Variants in SHTN1 observed in about 807,000 individuals in gnomAD.
SHTN1 encodes shootin 1.
SHTN1 carries 42 observed loss-of-function variants against 83.1 expected under a neutral mutation model. That is an observed-to-expected ratio of 0.51 (90% CI 0.39 to 0.65). The LOEUF is 0.65. Among genes scored for constraint, SHTN1 ranks in the 30% least tolerant of loss-of-function variants. The pLI, the probability that SHTN1 is intolerant of heterozygous loss-of-function variation, is 0.00. For missense variants in SHTN1, 622 were observed against 737.8 expected, an observed-to-expected ratio of 0.84 and a Z score of 1.82; for synonymous variants, 224 against 247.7, an observed-to-expected ratio of 0.90 and a Z score of 0.90.
chr10:116,889,403 G>T (rs1438637773), intron 16 of SHTN1, among the ~76,000 whole-genome samples: 1 of 152,202 alleles, frequency 6.6e-6, no homozygotes, highest in East Asian at 1.9e-4. Flanking sequence ...GCTACAATTT[G>T]AGAACCCCTT....
At chr10:117,115,298 C>T (rs917265175) in intron 1 of SHTN1, among the ~76,000 whole-genome samples, 3 of 152,044 alleles carry the variant, frequency 2.0e-5, no homozygotes, top group African/African-American at 7.2e-5. Flanking sequence ...AGAAAAATAA[C>T]ACCTGCCTTG....
intron 1 of SHTN1, among the ~76,000 whole-genome samples, chr10:117,118,765 TG>T (rs1294020644): frequency 6.6e-6 from 1 of 152,068 alleles, no homozygotes; most frequent in African/African-American, 2.4e-5. Flanking sequence ...CAACACACAC[TG>T]GGGCCTGTTG....
intron 1 of SHTN1, among the ~76,000 whole-genome samples, chr10:117,115,135 C>G (rs1853827881): frequency 6.6e-6 from 1 of 152,170 alleles, no homozygotes; most frequent in Non-Finnish European, 1.5e-5. Context: ...CAAAATTGTG[C>G]CTATAATTTC....
intron 2 of SHTN1, among the ~76,000 whole-genome samples, chr10:117,037,065 C>T (rs1852508418): frequency 6.6e-6 from 1 of 152,104 alleles, no homozygotes; most frequent in Non-Finnish European, 1.5e-5. Flanking sequence ...AGCAAGGTTG[C>T]AGGATACAAG....
upstream of SHTN1, among the ~76,000 whole-genome samples, chr10:117,007,177 T>C (rs2133552425): frequency 6.6e-6 from 1 of 151,830 alleles, no homozygotes; most frequent in Admixed American, 6.6e-5. Context: ...ATCCGGGAGA[T>C]TTTAATGAAA....
At chr10:116,943,975 C>A (rs1849479511) in intron 8 of SHTN1, among the ~76,000 whole-genome samples, 2 of 152,216 alleles carry the variant, frequency 1.3e-5, no homozygotes, top group Admixed American at 6.5e-5. Context: ...AACAGGTAAG[C>A]CGGAACAAGA....
intron 1 of SHTN1, among the ~76,000 whole-genome samples, chr10:116,992,552 T>C (rs1851476757): frequency 6.6e-6 from 1 of 152,182 alleles, no homozygotes; most frequent in African/African-American, 2.4e-5. Context: ...AGGCCTCTAG[T>C]AGGCAAATAA....
At chr10:117,091,781 C>T (rs1853433920) in intron 1 of SHTN1, among the ~76,000 whole-genome samples, 1 of 152,178 alleles carries the variant, frequency 6.6e-6, no homozygotes, top group African/African-American at 2.4e-5. Flanking sequence ...CCATCAAGAC[C>T]GAAGGCAAGT....
intron 2 of SHTN1, among the ~76,000 whole-genome samples, chr10:117,026,315 G>A (rs1852331945): frequency 2.0e-5 from 3 of 152,128 alleles, no homozygotes; most frequent in Admixed American, 1.3e-4. Flanking sequence ...AGTGGTCACG[G>A]GATGAGGCTC....
intron 2 of SHTN1, among the ~76,000 whole-genome samples, chr10:117,022,925 C>T (rs1852284219): frequency 6.6e-6 from 1 of 152,110 alleles, no homozygotes; most frequent in Non-Finnish European, 1.5e-5. Flanking sequence ...CTAAAATAAA[C>T]AAATAAATAA....
At chr10:116,896,001 T>C (rs1006899652) in intron 16 of SHTN1, among the ~76,000 whole-genome samples, 1 of 152,180 alleles carries the variant, frequency 6.6e-6, no homozygotes, top group African/African-American at 2.4e-5. Context: ...GCTGGTTCCA[T>C]TACCGATAGC....
chr10:116,902,992 T>C (rs1379632188), intron 15 of SHTN1, among the ~76,000 whole-genome samples: 1 of 152,188 alleles, frequency 6.6e-6, no homozygotes. Context: ...ATACTCAGTA[T>C]AATAGCGTAA....
chr10:117,100,603 G>C (rs1220461413), intron 1 of SHTN1, among the ~76,000 whole-genome samples: 1 of 152,076 alleles, frequency 6.6e-6, no homozygotes, highest in Non-Finnish European at 1.5e-5. Context: ...AATACAGATT[G>C]GTGGACAGTG....
At chr10:117,105,034 G>A (rs1156879991) in intron 1 of SHTN1, among the ~76,000 whole-genome samples, 2 of 151,584 alleles carry the variant, frequency 1.3e-5, no homozygotes, top group East Asian at 1.9e-4. Flanking sequence ...ACTCCTCCAC[G>A]AAACCAACAC....
chr10:116,955,947 T>A (rs1178809048), intron 4 of SHTN1, among the ~76,000 whole-genome samples: 3 of 152,138 alleles, frequency 2.0e-5, no homozygotes, highest in Non-Finnish European at 4.4e-5. Context: ...GTTGGAAAAT[T>A]CAGATAAAAA....
At chr10:116,971,025 C>T (rs1359035844) in intron 2 of SHTN1, among the ~76,000 whole-genome samples, 1 of 152,076 alleles carries the variant, frequency 6.6e-6, no homozygotes, top group East Asian at 1.9e-4. Context: ...ATTCTCTGCC[C>T]TTTCCTGTCC....
intron 9 of SHTN1, among the ~76,000 whole-genome samples, chr10:116,933,993 T>A (rs1283090603): frequency 8.5e-5 from 13 of 152,050 alleles, no homozygotes; most frequent in South Asian, 2.2e-4. Flanking sequence ...TTCATATACT[T>A]TGCCCACTTT....
chr10:116,905,449 T>C (rs1378932550), intron 15 of SHTN1, among the ~76,000 whole-genome samples: 11 of 152,204 alleles, frequency 7.2e-5, no homozygotes, highest in Admixed American at 5.9e-4. Context: ...AAGATTTTAA[T>C]ACCAGAACTT....
intron 5 of SHTN1, 26 bp downstream of exon 5, chr10:116,954,016 C>T: frequency 1.3e-6 from 2 of 1,582,556 alleles, no homozygotes; most frequent in South Asian, 2.3e-5. Flanking sequence ...AAAAAATATG[C>T]TCAATAATTA....
Sources: allele counts gnomAD v4.1 joint callset (sites outside exome capture counted in the v4.1 genomes callset), GRCh38; gene constraint gnomAD v4.1.1; transcripts MANE v1.5; gene names NCBI Gene and HGNC (gene_info 2026-07-23, HGNC 2026-07-21).